The following SBF2 variants were observed in gnomAD, a reference collection of about 807,000 sequenced individuals.
SBF2 encodes SET binding factor 2.
SBF2 carries 112 observed loss-of-function variants against 225.2 expected under a neutral mutation model. The observed-to-expected ratio is 0.50, with a 90% CI of 0.43 to 0.58. The LOEUF is 0.58. Ranked by LOEUF, SBF2 falls within the 20% of genes least tolerant of loss-of-function variation. The pLI is 0.00. For synonymous variants in SBF2, 763 were observed against 773.3 expected (o/e 0.99, Z 0.22); for missense variants, 1,996 against 2,206.2 (o/e 0.90, Z 1.91).
chr11:10,017,173 TG>T (rs1392196623), intron 6 of SBF2, among the ~76,000 whole-genome samples: 3 of 152,206 alleles, frequency 2.0e-5, no homozygotes, highest in African/African-American at 7.2e-5. Context: ...TGTTAACAAA[TG>T]TATTTGTTTC....
chr11:10,232,748 A>T (rs1464838914), intron 1 of SBF2, among the ~76,000 whole-genome samples: 1 of 151,888 alleles, frequency 6.6e-6, no homozygotes, highest in Non-Finnish European at 1.5e-5. Context: ...TAAAATGAGT[A>T]TCTTCTACTT....
At position 9,839,647 on chromosome 11, in the gene SBF2, C is replaced by A. The variant is rs1278380706; in HGVS notation, c.3306G>T (p.Glu1102Asp). Residue 1102 changes from glutamate (E) to aspartate (D), a missense_variant, in exon 26 of 40, where the codon GAG becomes GAT. Glu to Asp is a conservative substitution (Grantham distance 45, BLOSUM62 2). Transcript: ENST00000256190. ...LPTSTTLKAS[E>D]KSTMEQLVEK... ...CCACCAACTGTTCCATTGTAGACTT[C>A]TCGGAGGCCTTCAGGGTGGTACTTG... 1 of 1,614,222 alleles carries A rather than the reference C, an allele frequency of 6.2e-7. No homozygotes were observed. The highest frequency in any genetic ancestry group is 1.7e-5 in the Admixed American group (1 of 60,020).
intron 2 of SBF2, among the ~76,000 whole-genome samples, chr11:10,174,046 C>A (rs550579319): frequency 2.0e-5 from 3 of 151,336 alleles, no homozygotes; most frequent in South Asian, 4.2e-4. Flanking sequence ...GTAGAAAAAA[C>A]CACAAAGATG....
intron 1 of SBF2, among the ~76,000 whole-genome samples, chr11:10,281,770 T>C (rs917036410): frequency 1.3e-5 from 2 of 152,184 alleles, no homozygotes; most frequent in Admixed American, 6.5e-5. Context: ...AGTCTCCACT[T>C]GGATAGCTGC....
chr11:10,224,146 C>G (rs191606668), intron 1 of SBF2, among the ~76,000 whole-genome samples: 62 of 151,900 alleles, frequency 4.1e-4, no homozygotes, highest in Middle Eastern at 3.4e-3. Context: ...TTAATTTTCC[C>G]AATATTTCTA....
At chr11:10,180,113 G>A (rs1391733466) in intron 2 of SBF2, among the ~76,000 whole-genome samples, 1 of 151,884 alleles carries the variant, frequency 6.6e-6, no homozygotes, top group Non-Finnish European at 1.5e-5. Flanking sequence ...TCATCTTTTA[G>A]TCTTTCTATT....
Position 9,912,855 on chromosome 11 carries a change from C to G in SBF2, c.1861-16844G>C, listed in dbSNP as rs532281988. 2.6e-5 allele frequency among the ~76,000 whole-genome samples: 4 copies of G among 152,332 alleles called. No individual in the cohort carries two copies. The East Asian group carries it at 7.7e-4, about 29-fold the overall frequency. On this transcript the variant is annotated intron_variant, in intron 16 of 39. Transcript: ENST00000256190. ...TCATGAAGAGTCAAATGACAAGTCA[C>G]TGCATATTGCATACAAGAAGACATT...
intron 3 of SBF2, among the ~76,000 whole-genome samples, chr11:10,040,464 T>C (rs1949610521): frequency 6.6e-6 from 1 of 151,748 alleles, no homozygotes; most frequent in Non-Finnish European, 1.5e-5. Flanking sequence ...GTCAACATTA[T>C]AGACAAAGGC....
chr11:10,228,134 G>C (rs1958662448), intron 1 of SBF2, among the ~76,000 whole-genome samples: 1 of 152,010 alleles, frequency 6.6e-6, no homozygotes, highest in Non-Finnish European at 1.5e-5. Flanking sequence ...TCTGTTATTG[G>C]TGTATAAGAA....
At chr11:10,276,095 A>G (rs542153656) in intron 1 of SBF2, among the ~76,000 whole-genome samples, 23 of 152,290 alleles carry the variant, frequency 1.5e-4, no homozygotes, top group African/African-American at 5.5e-4. Context: ...TACTTTACTG[A>G]TGAGGGGAAA....
At chr11:10,173,183 T>A (rs1014787940) in intron 2 of SBF2, among the ~76,000 whole-genome samples, 1 of 152,210 alleles carries the variant, frequency 6.6e-6, no homozygotes, top group Non-Finnish European at 1.5e-5. Context: ...GGAACAGCTC[T>A]GGTCTACAGC....
chr11:10,208,646 T>C (rs927713273), intron 1 of SBF2, among the ~76,000 whole-genome samples: 1 of 152,118 alleles, frequency 6.6e-6, no homozygotes, highest in African/African-American at 2.4e-5. Flanking sequence ...GTATTATCTA[T>C]GCCTATCAAG....
chr11:10,193,891 C>T lies in SBF2; in HGVS notation c.141+11G>A, dbSNP rs774519680. 7.6e-6 allele frequency: 12 copies of T among 1,578,488 alleles called. No individual in the cohort carries two copies. The South Asian group carries it at 1.1e-4, about 15-fold the overall frequency. ...ACATTATAAATATGCAATAATACAACAACCACTTACCAACTCAATTCCCTG... is the reference window on the plus strand; with the variant it reads ...ACATTATAAATATGCAATAATACAATAACCACTTACCAACTCAATTCCCTG... On this transcript the variant is annotated intron_variant, in intron 2 of 39. Coordinates refer to ENST00000256190, the MANE Select transcript of SBF2 (RefSeq NM_030962.4).
At chr11:10,263,443 A>G (rs538363303) in intron 1 of SBF2, among the ~76,000 whole-genome samples, 1 of 152,230 alleles carries the variant, frequency 6.6e-6, no homozygotes, top group African/African-American at 2.4e-5. Flanking sequence ...GATCAAGAGA[A>G]TGAATTACAG....
At chr11:9,882,699 T>C (rs1286573811) in intron 17 of SBF2, among the ~76,000 whole-genome samples, 2 of 143,808 alleles carry the variant, frequency 1.4e-5, no homozygotes, top group Non-Finnish European at 3.0e-5. Flanking sequence ...CCCAGCTACT[T>C]GGGAGGCTGA....
At chr11:9,978,110 CA>C (rs1376531019) in intron 13 of SBF2, among the ~76,000 whole-genome samples, 2 of 152,208 alleles carry the variant, frequency 1.3e-5, no homozygotes, top group Non-Finnish European at 2.9e-5. Flanking sequence ...AAAAAAACAA[CA>C]ACTGACTAGT....
chr11:10,170,704 C>G (rs976522982), intron 2 of SBF2, among the ~76,000 whole-genome samples: 3 of 151,984 alleles, frequency 2.0e-5, no homozygotes, highest in Non-Finnish European at 4.4e-5. Flanking sequence ...GATATTTTGA[C>G]AAGGACTGCA....
chr11:9,882,644 T>TAA (rs1247077890), intron 17 of SBF2, among the ~76,000 whole-genome samples: 12 of 151,828 alleles, frequency 7.9e-5, no homozygotes, highest in African/African-American at 2.9e-4. Flanking sequence ...CCGTCTCTAC[T>TAA]AAAAATACTA....
chr11:9,912,181 G>A (rs1212068198), intron 16 of SBF2, among the ~76,000 whole-genome samples: 2 of 150,688 alleles, frequency 1.3e-5, no homozygotes, highest in African/African-American at 4.9e-5. Flanking sequence ...TGGGCATAGT[G>A]GCGGGTGCCT....
Sources: gnomAD v4.1 joint callset for allele counts (sites outside exome capture counted in the v4.1 genomes callset) on GRCh38, gnomAD v4.1.1 for gene constraint, MANE v1.5 for transcripts, NCBI Gene and HGNC (gene_info 2026-07-23, HGNC 2026-07-21) for gene names.